The following JAG2 variants were observed in gnomAD, a reference collection of about 807,000 sequenced individuals.
JAG2 encodes protein jagged-2.
Under a neutral mutation model 141.7 loss-of-function variants are expected in JAG2, and 46 were observed. The observed-to-expected ratio is 0.32, with a 90% CI of 0.26 to 0.42. The LOEUF is 0.42. Among genes scored for constraint, JAG2 ranks in the 10% least tolerant of loss-of-function variants. The probability of loss-of-function intolerance (pLI) is 1.00; values close to 1 mark genes in which losing one functional copy is unlikely to be tolerated. For synonymous variants in JAG2, 862 were observed against 763.5 expected (o/e 1.13, Z -2.13); for missense variants, 1,500 against 1,817.5 (o/e 0.83, Z 3.18).
rs184048218 is a variant in JAG2, at chr14:105,158,577, G to A, written c.418-814C>T. Among the ~76,000 whole-genome samples, 385 of 152,226 alleles carry A rather than the reference G, an allele frequency of 2.5e-3. 4 individuals are homozygous for A. Among genetic ancestry groups the A allele is most frequent in the Non-Finnish European group, 5.4e-4 (37 of 67,992 alleles). The stretch of plus-strand genomic sequence containing the variant: ...CCCTGCTCCGCCTAGTGCAGCCCAC[G>A]GAGACCGTCACTCACAGACATGCTC... On this transcript the variant is annotated intron_variant, in intron 2 of 25. Coordinates refer to ENST00000331782, the MANE Select transcript of JAG2 (RefSeq NM_002226.5).
rs1414207095 is a variant in JAG2, at chr14:105,167,428, G to C, written c.417+329C>G. On this transcript the variant is annotated intron_variant, in intron 2 of 25. Transcript: ENST00000331782. This position sits in a 1 kb window ranked among gnomAD's most constrained non-coding sequence, Gnocchi z 4.8. ...GCGCACATGCCACCGCGGCCTGCCC[G>C]GGACCGGGGCGCCTCGCCTCGCCTC... is the stretch of plus-strand genomic sequence containing the variant. 1.3e-5 allele frequency among the ~76,000 whole-genome samples: 2 copies of C among 151,914 alleles called. No individual in the cohort carries two copies. The highest frequency in any genetic ancestry group is 2.4e-5 in the African/African-American group (1 of 41,394).
chr14:105,148,424 A>ATTTCC lies in JAG2; in HGVS notation c.2035_2036insGGAAA (p.Leu679ArgfsTer85). 6.2e-7 allele frequency: 1 copy of ATTTCC among 1,611,150 alleles called. No homozygotes were observed. The highest frequency in any genetic ancestry group is 8.5e-7 in the Non-Finnish European group (1 of 1,179,222). On this transcript the variant is annotated frameshift_variant, in exon 16 of 26. Coordinates refer to ENST00000331782, the MANE Select transcript of JAG2 (RefSeq NM_002226.5). LOFTEE classifies it high-confidence loss of function. Reference sequence around the variant, plus strand: ...GCCGCGGCTGTGGCAGGGATCGGGAAGGCAGTCGTTGGGATCTGGGGGCGA... The same window carrying ATTTCC: ...GCCGCGGCTGTGGCAGGGATCGGGAATTTCCGGCAGTCGTTGGGATCTGGGGGCGA...
intron 5 of JAG2, among the ~76,000 whole-genome samples, chr14:105,152,861 G>A (rs1160567243): frequency 6.6e-6 from 1 of 152,170 alleles, no homozygotes; most frequent in Non-Finnish European, 1.5e-5. Context: ...GCCCAGGGTA[G>A]TTCCTGATTC....
chr14:105,164,112 T>G (rs1595190466), intron 2 of JAG2, among the ~76,000 whole-genome samples: 1 of 43,656 alleles, frequency 2.3e-5, no homozygotes. Context: ...CCCCTCCACC[T>G]CCCAGCCTTC....
At chr14:105,145,164 C>A in intron 23 of JAG2, 103 bp from the exon 24 acceptor site, 1 of 1,492,080 alleles carries the variant, frequency 6.7e-7, no homozygotes, top group South Asian at 1.2e-5. Flanking sequence ...CCCTACAGCC[C>A]GCCCAGGAGA....
chr14:105,151,443 G>A, intron 8 of JAG2, 47 bp from the exon 9 acceptor site: 1 of 1,555,624 alleles, frequency 6.4e-7, no homozygotes, highest in South Asian at 1.1e-5. Flanking sequence ...TGAGCCGTGG[G>A]AATAAGGTCC....
At position 105,152,011 on chromosome 14, in the gene JAG2, C is replaced by T. The variant is rs199563269; in HGVS notation, c.966G>A (p.Thr322=). Residue 322 remains threonine, a synonymous_variant, in exon 7 of 26, where the codon ACG becomes ACA. Transcript: ENST00000331782. The part of the protein sequence containing the change: ...GSHHPCTNGG[T]CINAEPDQYR... ...ACTGGTCAGGCTCGGCGTTGATGCA[C>T]GTGCCTCCGTTGGTGCAGGGGTGGT... 11 of 1,613,394 alleles carry T rather than the reference C, an allele frequency of 6.8e-6. No homozygotes were observed. Among genetic ancestry groups the T allele is most frequent in the East Asian group, 6.7e-5 (3 of 44,874 alleles).
Position 105,148,064 on chromosome 14 carries a change from T to C in JAG2, c.2248+52A>G, listed in dbSNP as rs1247997507. ...CGGCCCATCGCGCCCGAGGGAGCGG[T>C]GCCTGGGAGGGCATATGCCCGGCGG... On this transcript the variant is annotated intron_variant, in intron 17 of 25. Coordinates refer to ENST00000331782, the MANE Select transcript of JAG2 (RefSeq NM_002226.5). The C allele has an allele frequency of 4.9e-6, 7 of 1,438,524 alleles. No homozygotes were observed. In the African/African-American group the frequency reaches 9.9e-5, roughly 20 times the overall value. The allele number at this position is 1,438,524 out of a possible 1,614,324, so 89.1% of individuals were successfully genotyped here.
At chr14:105,151,557 C>A (rs896488847) in intron 8 of JAG2, 69 bp downstream of exon 8, 2 of 1,393,406 alleles carry the variant, frequency 1.4e-6, no homozygotes, top group East Asian at 4.9e-5. Context: ...CCATCCCCAG[C>A]GAGTTGCCCC....
chr14:105,144,231 AACCCGGGGC>A (rs1298432304), intron 24 of JAG2, among the ~76,000 whole-genome samples: 2 of 150,064 alleles, frequency 1.3e-5, no homozygotes, highest in Non-Finnish European at 1.5e-5. Context: ...AGGCCACAGC[AACCCGGGGC>A]TGTGCCCCTG....
Position 105,145,079 on chromosome 14 carries a change from G to A in JAG2, c.2953-18C>T. 1.2e-6 allele frequency: 2 copies of A among 1,609,142 alleles called. No individual in the cohort carries two copies. Among genetic ancestry groups the A allele is most frequent in the African/African-American group, 1.3e-5 (1 of 75,038 alleles). On this transcript the variant is annotated intron_variant, in intron 23 of 25. Coordinates refer to ENST00000331782, the MANE Select transcript of JAG2 (RefSeq NM_002226.5). Reference sequence around the variant, plus strand: ...GTGGTGCCCTGGGCAGAGACAGGCAGTGCGTGGGCAGGGCAGGGCCGTGAA... The same window carrying A: ...GTGGTGCCCTGGGCAGAGACAGGCAATGCGTGGGCAGGGCAGGGCCGTGAA...
chr14:105,145,637 G>C (rs1478979029), intron 23 of JAG2, 94 bp downstream of exon 23: 1 of 1,486,094 alleles, frequency 6.7e-7, no homozygotes, highest in African/African-American at 1.4e-5. Context: ...AGCCAACCAG[G>C]GCCTCCCTGC....
intron 5 of JAG2, among the ~76,000 whole-genome samples, chr14:105,152,716 G>C (rs2140981746): frequency 6.6e-6 from 1 of 152,302 alleles, no homozygotes; most frequent in Admixed American, 6.5e-5. Flanking sequence ...CCTCGGCCAT[G>C]TGGCCCTGGG....
intron 25 of JAG2, 101 bp from the exon 26 acceptor site, chr14:105,143,271 C>T (rs1037610284): frequency 6.4e-5 from 90 of 1,410,690 alleles, no homozygotes; most frequent in Non-Finnish European, 7.5e-5. Context: ...GCCAGGCGGC[C>T]GGGCCCCACC....
intron 25 of JAG2, 74 bp from the exon 26 acceptor site, chr14:105,143,244 C>A: frequency 6.6e-7 from 1 of 1,511,374 alleles, no homozygotes; most frequent in East Asian, 2.4e-5. Context: ...ACACCCAGGC[C>A]TGGGAGGGCC....
intron 25 of JAG2, 55 bp downstream of exon 25, chr14:105,143,427 C>A: frequency 5.2e-6 from 8 of 1,529,226 alleles, no homozygotes; most frequent in Non-Finnish European, 7.0e-6. Context: ...GCTCTGTGCC[C>A]AATGCCTGAG....
At chr14:105,157,306 G>A (rs1163829372) in intron 3 of JAG2, among the ~76,000 whole-genome samples, 1 of 152,134 alleles carries the variant, frequency 6.6e-6, no homozygotes, top group African/African-American at 2.4e-5. Context: ...ATTCACCCAT[G>A]GAAGTCATCC....
rs1036082565 is a variant in JAG2, at chr14:105,148,389, C to T, written c.2071G>A (p.Asp691Asn). Residue 691 changes from aspartate to asparagine, a missense_variant, in exon 16 of 26, where the codon GAC (aspartate) becomes AAC (asparagine). By Grantham distance (23) the Asp-to-Asn change is conservative (BLOSUM62 1). This residue lies in a region of JAG2 where 875 missense variants were observed against 1,202.2 expected (regional missense o/e 0.73). Transcript: ENST00000331782. ...DPCHSRGRCYDLVNDFYCACD... is the reference protein window; with the variant it reads ...DPCHSRGRCYNLVNDFYCACD... Reference sequence around the variant, plus strand: ...GCACAGTAGAAGTCATTGACCAGGTCGTAGCAGCGGCCGCGGCTGTGGCAG... The same window carrying T: ...GCACAGTAGAAGTCATTGACCAGGTTGTAGCAGCGGCCGCGGCTGTGGCAG... 3.1e-6 allele frequency: 5 copies of T among 1,612,120 alleles called. No individual in the cohort carries two copies. Among genetic ancestry groups the T allele is most frequent in the Non-Finnish European group, 4.2e-6 (5 of 1,179,574 alleles).
In JAG2 at chr14:105,155,026, C is replaced by A. The variant is rs149838113; in HGVS notation, c.788+536G>T. The stretch of plus-strand genomic sequence containing the variant: ...CCCACCACCCCCACATGCCCCACAG[C>A]GGCCTCCCCCTCACAGCCTCCCGTC... On this transcript the variant is annotated intron_variant, in intron 5 of 25. Coordinates refer to ENST00000331782, the MANE Select transcript of JAG2 (RefSeq NM_002226.5). 2.2e-3 allele frequency among the ~76,000 whole-genome samples: 313 copies of A among 141,176 alleles called. 1 individual carries two copies. The highest frequency in any genetic ancestry group is 8.2e-3 in the African/African-American group (305 of 37,276). The allele number at this position is 141,176 out of a possible 152,430, so 92.6% of individuals were successfully genotyped here.
Sources: allele counts gnomAD v4.1 joint callset (sites outside exome capture counted in the v4.1 genomes callset), GRCh38; gene constraint gnomAD v4.1.1; regional missense constraint gnomAD v4.1.1; non-coding constraint Gnocchi (gnomAD v3.1); transcripts MANE v1.5; gene names NCBI Gene and HGNC (gene_info 2026-07-23, HGNC 2026-07-21).